The following CLSTN2 variants were observed in gnomAD, a reference collection of about 807,000 sequenced individuals.
CLSTN2 encodes the protein calsyntenin 2, also known as calsyntenin-2.
CLSTN2 carries 48 observed loss-of-function variants against 101.2 expected under a neutral mutation model. That is an observed-to-expected ratio of 0.47 (90% CI 0.38 to 0.60). The LOEUF (loss-of-function observed/expected upper bound fraction) is 0.60. Ranked by LOEUF, CLSTN2 falls within the 20% of genes least tolerant of loss-of-function variation. CLSTN2 has a pLI of 0.00. For synonymous variants in CLSTN2, 481 were observed against 463.6 expected (o/e 1.04, Z -0.48); for missense variants, 1,160 against 1,238.2 (o/e 0.94, Z 0.95).
At position 140,296,672 on chromosome 3, in the gene CLSTN2, T is replaced by G. The variant is rs896696415; in HGVS notation, c.233-106957T>G. ...ATATACAACGCAAGTATTTGTTAGA[T>G]GTATTTGCCTAAGTTAGTTTTCTCT... On this transcript the variant is annotated intron_variant, in intron 2 of 16. Transcript: ENST00000458420. Among the ~76,000 whole-genome samples the G allele has an allele frequency of 3.3e-5, 5 of 152,246 alleles. 1 individual carries two copies. The highest frequency in any genetic ancestry group is 6.5e-5 in the Admixed American group (1 of 15,282).
chr3:139,979,860 C>A (rs1016994668), intron 1 of CLSTN2, among the ~76,000 whole-genome samples: 2 of 152,020 alleles, frequency 1.3e-5, no homozygotes, highest in African/African-American at 4.8e-5. Flanking sequence ...AACCCACGAC[C>A]CTTCTTCCCC....
Position 140,555,974 on chromosome 3 carries a change from A to G in CLSTN2, c.1675-539A>G, listed in dbSNP as rs550921690. The stretch of plus-strand genomic sequence containing the variant: ...TACAACTCATGGGAAACCAGAGTTT[A>G]GCACTTGAAAAGGAAGACAAAAAAT... On this transcript the variant is annotated intron_variant, in intron 10 of 16. Coordinates refer to ENST00000458420, the MANE Select transcript of CLSTN2 (RefSeq NM_022131.3). Among the ~76,000 whole-genome samples the G allele has an allele frequency of 9.8e-4, 149 of 152,374 alleles. 2 individuals are homozygous for G. Among genetic ancestry groups the G allele is most frequent in the African/African-American group, 3.4e-3 (140 of 41,590 alleles).
chr3:140,377,661 C>T (rs1378061359), intron 2 of CLSTN2, among the ~76,000 whole-genome samples: 1 of 152,106 alleles, frequency 6.6e-6, no homozygotes, highest in African/African-American at 2.4e-5. Flanking sequence ...CATTTTTTTA[C>T]AGCTATACAG....
intron 2 of CLSTN2, among the ~76,000 whole-genome samples, chr3:140,363,480 A>C (rs2087750382): frequency 6.6e-6 from 1 of 152,262 alleles, no homozygotes. Context: ...ATTTTAAGGT[A>C]TGTAAATACT....
chr3:140,484,529 A>C (rs1934197179), intron 8 of CLSTN2, among the ~76,000 whole-genome samples: 1 of 152,186 alleles, frequency 6.6e-6, no homozygotes, highest in Admixed American at 6.5e-5. Flanking sequence ...AGGTTGGGGA[A>C]GTTCTCCTGG....
intron 9 of CLSTN2, among the ~76,000 whole-genome samples, chr3:140,538,679 C>T (rs1445217410): frequency 6.6e-6 from 1 of 152,186 alleles, no homozygotes; most frequent in Non-Finnish European, 1.5e-5. Context: ...GTACAAACTT[C>T]TCTTAATAAA....
intron 1 of CLSTN2, among the ~76,000 whole-genome samples, chr3:140,070,755 CT>C (rs2008378610): frequency 6.6e-6 from 1 of 152,086 alleles, no homozygotes; most frequent in Non-Finnish European, 1.5e-5. Context: ...GATTGGCAGT[CT>C]GTGGCTTGCT....
intron 2 of CLSTN2, among the ~76,000 whole-genome samples, chr3:140,381,268 A>T (rs2087979558): frequency 6.6e-6 from 1 of 152,154 alleles, no homozygotes; most frequent in East Asian, 1.9e-4. Flanking sequence ...TGATAAGTAC[A>T]TAGTCATATT....
chr3:140,497,088 G>A (rs939165683), intron 8 of CLSTN2, among the ~76,000 whole-genome samples: 2 of 140,962 alleles, frequency 1.4e-5, no homozygotes, highest in Non-Finnish European at 3.0e-5. Flanking sequence ...GTGACACAGC[G>A]AGACTCCGTC....
At chr3:140,244,100 G>T (rs531481745) in intron 2 of CLSTN2, among the ~76,000 whole-genome samples, 1 of 152,192 alleles carries the variant, frequency 6.6e-6, no homozygotes, top group Non-Finnish European at 1.5e-5. Flanking sequence ...GGGAAGAAGC[G>T]CTTGCATCTG....
chr3:140,246,021 C>T (rs1332290885), intron 2 of CLSTN2, among the ~76,000 whole-genome samples: 1 of 152,138 alleles, frequency 6.6e-6, no homozygotes, highest in Non-Finnish European at 1.5e-5. Context: ...ACTCAATAAA[C>T]TGTGAATCTG....
chr3:140,188,737 G>T (rs561086830), intron 2 of CLSTN2, among the ~76,000 whole-genome samples: 1 of 152,176 alleles, frequency 6.6e-6, no homozygotes. Context: ...GGTAATTACA[G>T]ATTCATATGC....
chr3:139,956,150 G>A (rs992817072), intron 1 of CLSTN2, among the ~76,000 whole-genome samples: 1 of 152,216 alleles, frequency 6.6e-6, no homozygotes, highest in Non-Finnish European at 1.5e-5. Flanking sequence ...GCTTCAGAAA[G>A]TCCATAAGTA....
At chr3:140,147,348 G>A (rs891458551) in intron 1 of CLSTN2, among the ~76,000 whole-genome samples, 2 of 152,134 alleles carry the variant, frequency 1.3e-5, no homozygotes, top group African/African-American at 4.8e-5. Context: ...ATCCTTGAAG[G>A]AGCCTTGCTT....
chr3:140,094,598 T>C (rs2008837089), intron 1 of CLSTN2, among the ~76,000 whole-genome samples: 1 of 152,168 alleles, frequency 6.6e-6, no homozygotes, highest in Non-Finnish European at 1.5e-5. Flanking sequence ...AATGGAATGT[T>C]CAGTGCTCAA....
intron 5 of CLSTN2, among the ~76,000 whole-genome samples, chr3:140,441,897 T>C (rs747656622): frequency 2.6e-5 from 4 of 152,292 alleles, no homozygotes; most frequent in Non-Finnish European, 4.4e-5. Flanking sequence ...CACATATGTC[T>C]GCACCTTCTG....
chr3:139,997,369 G>A (rs2006694482), intron 1 of CLSTN2, among the ~76,000 whole-genome samples: 1 of 152,122 alleles, frequency 6.6e-6, no homozygotes, highest in South Asian at 2.1e-4. Context: ...CACACAGAAG[G>A]TTGATTTTGT....
Position 140,142,423 on chromosome 3 carries a change from G to C in CLSTN2, c.110-33528G>C, listed in dbSNP as rs573619266. 2.6e-5 allele frequency among the ~76,000 whole-genome samples: 4 copies of C among 152,264 alleles called. No homozygotes were observed. In the South Asian group the frequency reaches 6.2e-4, roughly 24 times the overall value. On this transcript the variant is annotated intron_variant, in intron 1 of 16. Transcript: ENST00000458420. ...CTGGGGCAGGCCTCTCAGTGAGAAGGCTTCGCACCACAGCTGTGAGGGGGT... is the reference window on the plus strand; with the variant it reads ...CTGGGGCAGGCCTCTCAGTGAGAAGCCTTCGCACCACAGCTGTGAGGGGGT...
chr3:139,986,882 G>A (rs528180004), intron 1 of CLSTN2, among the ~76,000 whole-genome samples: 1 of 152,308 alleles, frequency 6.6e-6, no homozygotes, highest in African/African-American at 2.4e-5. Flanking sequence ...TATTTGAAAG[G>A]TGGTGGAGAT....
Sources: allele counts gnomAD v4.1 joint callset (sites outside exome capture counted in the v4.1 genomes callset), GRCh38; gene constraint gnomAD v4.1.1; transcripts MANE v1.5; gene names NCBI Gene and HGNC (gene_info 2026-07-23, HGNC 2026-07-21).